CCDC60: variants seen among roughly 807,000 people sequenced by gnomAD.
CCDC60 encodes coiled-coil domain-containing protein 60.
Under a neutral mutation model 63.5 loss-of-function variants are expected in CCDC60, and 54 were observed. The observed-to-expected ratio is 0.85, with a 90% confidence interval of 0.68 to 1.07. The LOEUF is 1.07. Among genes scored for constraint, CCDC60 ranks in the 50% least tolerant of loss-of-function variants. CCDC60 has a pLI of 0.00. For synonymous variants in CCDC60, 206 were observed against 238.8 expected (o/e 0.86, Z 1.27); for missense variants, 651 against 684.3 (o/e 0.95, Z 0.54).
intron 5 of CCDC60, among the ~76,000 whole-genome samples, chr12:119,498,133 C>T (rs1041367877): frequency 6.6e-6 from 1 of 152,124 alleles, no homozygotes; most frequent in African/African-American, 2.4e-5. Context: ...CTTATTTGGA[C>T]TGGGAAAAGC....
chr12:119,417,744 A>G (rs922188186), intron 1 of CCDC60, among the ~76,000 whole-genome samples: 4 of 152,212 alleles, frequency 2.6e-5, no homozygotes, highest in African/African-American at 9.6e-5. Context: ...CCAAAAAACT[A>G]TGACAGGTGG....
chr12:119,519,993 G>A, intron 8 of CCDC60, 128 bp from the exon 9 acceptor site: 1 of 775,282 alleles, frequency 1.3e-6, no homozygotes, highest in Non-Finnish European at 2.2e-6. Context: ...CTCCAGGTGA[G>A]TGCTGTGCTC....
At chr12:119,507,615 T>TA (rs1555253687) in intron 7 of CCDC60, among the ~76,000 whole-genome samples, 847 of 19,104 alleles carry the variant, frequency 0.044, 59 homozygotes, top group Non-Finnish European at 0.07. Context: ...TATATATATA[T>TA]TTTTTTTTTT....
At chr12:119,467,854 T>A (rs1488940241) in intron 2 of CCDC60, among the ~76,000 whole-genome samples, 1 of 152,240 alleles carries the variant, frequency 6.6e-6, no homozygotes, top group African/African-American at 2.4e-5. Context: ...GTTTTCTTTT[T>A]ATCAAGTTCC....
chr12:119,507,537 T>C (rs1373309563), intron 7 of CCDC60, among the ~76,000 whole-genome samples: 28 of 96,728 alleles, frequency 2.9e-4, no homozygotes, highest in Non-Finnish European at 4.3e-4. Flanking sequence ...CACATATATA[T>C]ACACATATAT....
At chr12:119,455,782 AAAGAAAAAGAAG>A (rs1034623153) in intron 2 of CCDC60, among the ~76,000 whole-genome samples, 1 of 149,460 alleles carries the variant, frequency 6.7e-6, no homozygotes, top group Admixed American at 6.7e-5. Context: ...AGAGTGAAAG[AAAGAAAAAGAAG>A]AAGAAAAACA....
chr12:119,346,000 T>C (rs1955588916), intron 1 of CCDC60, among the ~76,000 whole-genome samples: 1 of 150,646 alleles, frequency 6.6e-6, no homozygotes. Flanking sequence ...TTTTTTTTTT[T>C]TTTTAGTAGA....
At chr12:119,354,867 A>G (rs1400302185) in intron 1 of CCDC60, among the ~76,000 whole-genome samples, 1 of 152,212 alleles carries the variant, frequency 6.6e-6, no homozygotes, top group Non-Finnish European at 1.5e-5. Flanking sequence ...CTTGGGTTAA[A>G]GAGGCAGAAC....
At chr12:119,513,561 C>T (rs764852223) in intron 7 of CCDC60, among the ~76,000 whole-genome samples, 14 of 152,210 alleles carry the variant, frequency 9.2e-5, no homozygotes, top group Non-Finnish European at 2.1e-4. Flanking sequence ...TATAAGGACA[C>T]TAGTCATTGG....
At chr12:119,474,597 G>A (rs775678531) in intron 3 of CCDC60, among the ~76,000 whole-genome samples, 22 of 152,328 alleles carry the variant, frequency 1.4e-4, no homozygotes, top group South Asian at 4.1e-4. Context: ...TGGGAGTGAT[G>A]AAAATGTTTT....
chr12:119,500,013 T>TA, intron 5 of CCDC60, 65 bp from the exon 6 acceptor site: 1 of 1,138,256 alleles, frequency 8.8e-7, no homozygotes, highest in Non-Finnish European at 1.3e-6. Flanking sequence ...TTGCATTTCT[T>TA]AAAAGAACTT....
At chr12:119,428,824 G>C (rs1456491705) in intron 2 of CCDC60, 62 bp downstream of exon 2, 1 of 1,107,576 alleles carries the variant, frequency 9.0e-7, no homozygotes, top group East Asian at 2.5e-5. Context: ...AGGCTATGGG[G>C]TGTTGCCTAC....
At chr12:119,465,327 T>TA (rs995095893) in intron 2 of CCDC60, among the ~76,000 whole-genome samples, 2 of 150,758 alleles carry the variant, frequency 1.3e-5, no homozygotes, top group Non-Finnish European at 1.5e-5. Context: ...AAAATAAAAA[T>TA]AAAAAAATAA....
intron 2 of CCDC60, among the ~76,000 whole-genome samples, chr12:119,448,711 G>A (rs1862150675): frequency 6.6e-6 from 1 of 152,070 alleles, no homozygotes; most frequent in Admixed American, 6.6e-5. Flanking sequence ...AGGTTCCTTA[G>A]CAAGGCAGAC....
Position 119,495,699 on chromosome 12 carries a change from C to A in CCDC60, c.558-4379C>A, listed in dbSNP as rs983892457. On this transcript the variant is annotated intron_variant, in intron 5 of 13. Transcript: ENST00000327554. ...CCTTATCTTGTGGTACTCCTCCCCC[C>A]ACAACCAAGAAAATCTCACTTTCCT... Among the ~76,000 whole-genome samples, 26 of 152,260 alleles carry A rather than the reference C, an allele frequency of 1.7e-4. 1 individual carries two copies. Among genetic ancestry groups the A allele is most frequent in the Admixed American group, 1.7e-3 (26 of 15,292 alleles).
chr12:119,392,095 A>G (rs1322891155), intron 1 of CCDC60, among the ~76,000 whole-genome samples: 2 of 152,214 alleles, frequency 1.3e-5, no homozygotes, highest in African/African-American at 2.4e-5. Context: ...AGATCAAGAA[A>G]GGGTGATTTA....
At chr12:119,506,139 CCTT>C (rs1951993677) in intron 7 of CCDC60, among the ~76,000 whole-genome samples, 1 of 152,106 alleles carries the variant, frequency 6.6e-6, no homozygotes, top group African/African-American at 2.4e-5. Flanking sequence ...TGAAAGAAAA[CCTT>C]CTGCCCTTCT....
chr12:119,338,207 A>G (rs768467520), intron 1 of CCDC60, among the ~76,000 whole-genome samples: 10 of 152,164 alleles, frequency 6.6e-5, no homozygotes, highest in Non-Finnish European at 1.5e-4. Context: ...GTTATAGTAA[A>G]GCATTAATTA....
At chr12:119,430,993 C>T (rs1217977508) in intron 2 of CCDC60, among the ~76,000 whole-genome samples, 1 of 152,172 alleles carries the variant, frequency 6.6e-6, no homozygotes. Context: ...TCAAAGGCAG[C>T]ATTTGAACTT....
Sources: gnomAD v4.1 joint callset for allele counts (sites outside exome capture counted in the v4.1 genomes callset) on GRCh38, gnomAD v4.1.1 for gene constraint, MANE v1.5 for transcripts, NCBI Gene and HGNC (gene_info 2026-07-23, HGNC 2026-07-21) for gene names.